The following RUNX1 variants were observed in gnomAD, a reference collection of about 807,000 sequenced individuals.
The protein encoded by RUNX1 is RUNX family transcription factor 1.
In RUNX1, 19 loss-of-function variants were observed where a neutral mutation model predicts 42.8. The ratio of observed to expected loss-of-function variants is 0.44; its 90% confidence interval spans 0.31 to 0.65. The LOEUF is 0.65. Ranked by LOEUF, RUNX1 falls within the 30% of genes least tolerant of loss-of-function variation. The pLI is 0.07. For synonymous variants in RUNX1, 271 were observed against 289.4 expected, an observed-to-expected ratio of 0.94 and a Z score of 0.64; for missense variants, 528 against 672.0, an observed-to-expected ratio of 0.79 and a Z score of 2.37.
intron 7 of RUNX1, among the ~76,000 whole-genome samples, chr21:34,802,557 C>A (rs2056622754): frequency 6.6e-6 from 1 of 152,126 alleles, no homozygotes; most frequent in Non-Finnish European, 1.5e-5. Flanking sequence ...TCACTTGGGC[C>A]ACTGTTTTGG....
chr21:34,882,799 A>C (rs1447143631), intron 4 of RUNX1, among the ~76,000 whole-genome samples: 1 of 151,700 alleles, frequency 6.6e-6, no homozygotes, highest in Non-Finnish European at 1.5e-5. Context: ...TCCCGTTGTA[A>C]AGTTAGCTCA....
At chr21:34,893,865 C>A (rs1219301147) in intron 2 of RUNX1, among the ~76,000 whole-genome samples, 1 of 151,188 alleles carries the variant, frequency 6.6e-6, no homozygotes, top group Non-Finnish European at 1.5e-5. Context: ...ACAAGATTTG[C>A]AGCTTCTTTA....
At chr21:34,884,242 G>A (rs2057947726) in intron 4 of RUNX1, among the ~76,000 whole-genome samples, 1 of 152,058 alleles carries the variant, frequency 6.6e-6, no homozygotes. Context: ...AACAGGTTGG[G>A]GCTCAAAATA....
chr21:34,888,070 C>A, intron 3 of RUNX1: 1 of 1,066,296 alleles, frequency 9.4e-7, no homozygotes, highest in South Asian at 4.5e-5. Flanking sequence ...GGGAGTTGAG[C>A]AGCCGCAGAG....
chr21:34,990,419 C>G (rs1360674985), intron 2 of RUNX1, among the ~76,000 whole-genome samples: 1 of 152,118 alleles, frequency 6.6e-6, no homozygotes, highest in Non-Finnish European at 1.5e-5. Flanking sequence ...GTGTGACATT[C>G]CTGGTGCTAA....
intron 6 of RUNX1, among the ~76,000 whole-genome samples, chr21:34,846,340 C>T (rs1337406620): frequency 6.6e-6 from 1 of 151,190 alleles, no homozygotes; most frequent in African/African-American, 2.4e-5. Flanking sequence ...CTCCCTTCTT[C>T]CCCCTTCTCC....
chr21:34,810,019 TCTG>T (rs1318272807), intron 7 of RUNX1, among the ~76,000 whole-genome samples: 1 of 152,190 alleles, frequency 6.6e-6, no homozygotes, highest in Non-Finnish European at 1.5e-5. Flanking sequence ...CCCATCCATC[TCTG>T]CCACTGCCCC....
At chr21:34,837,672 C>T (rs765669636) in intron 6 of RUNX1, among the ~76,000 whole-genome samples, 5 of 152,142 alleles carry the variant, frequency 3.3e-5, no homozygotes, top group East Asian at 1.9e-4. Flanking sequence ...CACTGAGTAC[C>T]GGGCTTTAGA....
At chr21:34,872,801 G>A (rs2057759035) in intron 5 of RUNX1, among the ~76,000 whole-genome samples, 1 of 152,120 alleles carries the variant, frequency 6.6e-6, no homozygotes, top group Admixed American at 6.5e-5. Flanking sequence ...CTACTTACTA[G>A]ATGCCACCGG....
chr21:34,915,620 C>T (rs2045673398), intron 2 of RUNX1, among the ~76,000 whole-genome samples: 1 of 152,208 alleles, frequency 6.6e-6, no homozygotes, highest in African/African-American at 2.4e-5. Context: ...TTAACAATCA[C>T]ATGACTACTT....
intron 2 of RUNX1, among the ~76,000 whole-genome samples, chr21:35,044,805 T>A (rs1476689081): frequency 2.6e-5 from 4 of 152,224 alleles, no homozygotes; most frequent in Non-Finnish European, 5.9e-5. Flanking sequence ...TCTGAGCACA[T>A]CTTTCGGATC....
chr21:35,012,825 G>A (rs2059135278), intron 2 of RUNX1, among the ~76,000 whole-genome samples: 1 of 152,048 alleles, frequency 6.6e-6, no homozygotes, highest in African/African-American at 2.4e-5. Context: ...CTAAAGTAGA[G>A]TAGAAATCAG....
Position 34,799,386 on chromosome 21 carries a change from A to G in RUNX1, c.882T>C (p.Pro294=), listed in dbSNP as rs376963970. ...AAATGGGCGTTGCTGGGTGCACAGA[A>G]GGAGAGGCAATGGATCCCAGGTATT... ...SYQYLGSIAS[P]SVHPATPISP... Residue 294 remains proline, a synonymous_variant, in exon 8 of 9, where the codon CCT becomes CCC. Transcript: ENST00000675419. 33 of 1,614,102 alleles carry G rather than the reference A, an allele frequency of 2.0e-5. No individual in the cohort carries two copies. Among genetic ancestry groups the G allele is most frequent in the Non-Finnish European group, 2.3e-5 (27 of 1,180,044 alleles).
intron 8 of RUNX1, among the ~76,000 whole-genome samples, chr21:34,798,544 C>G (rs2056563367): frequency 6.6e-6 from 1 of 152,096 alleles, no homozygotes; most frequent in African/African-American, 2.4e-5. Flanking sequence ...TTGGGGTATA[C>G]AGTCGGTTCT....
At chr21:34,846,194 C>CTTTTT (rs5843687) in intron 6 of RUNX1, among the ~76,000 whole-genome samples, 1 of 102,240 alleles carries the variant, frequency 9.8e-6, no homozygotes, top group African/African-American at 3.5e-5. Flanking sequence ...TTAAGGATGT[C>CTTTTT]TTTTTTTTTT....
chr21:34,910,901 G>T (rs1302383717), intron 2 of RUNX1, among the ~76,000 whole-genome samples: 1 of 151,942 alleles, frequency 6.6e-6, no homozygotes, highest in African/African-American at 2.4e-5. Flanking sequence ...CTCCCAAGTA[G>T]CTAGGACTAC....
chr21:35,008,120 T>C (rs1012004556), intron 2 of RUNX1, among the ~76,000 whole-genome samples: 4 of 152,322 alleles, frequency 2.6e-5, no homozygotes, highest in African/African-American at 7.2e-5. Flanking sequence ...CTCATCTGCT[T>C]TGGGGAGTTC....
intron 5 of RUNX1, among the ~76,000 whole-genome samples, chr21:34,875,381 C>T (rs1601505578): frequency 6.6e-6 from 1 of 152,172 alleles, no homozygotes; most frequent in Non-Finnish European, 1.5e-5. Flanking sequence ...TTTGTTAGGG[C>T]TGGTTGAGGC....
chr21:34,975,131 C>A (rs2058791545), intron 2 of RUNX1, among the ~76,000 whole-genome samples: 1 of 152,188 alleles, frequency 6.6e-6, no homozygotes, highest in African/African-American at 2.4e-5. Context: ...TAATACTAGG[C>A]AGAGCCAGCT....
Sources: allele counts gnomAD v4.1 joint callset (sites outside exome capture counted in the v4.1 genomes callset), GRCh38; gene constraint gnomAD v4.1.1; transcripts MANE v1.5; gene names NCBI Gene and HGNC (gene_info 2026-07-23, HGNC 2026-07-21).